The following KCNAB2 variants were observed in gnomAD, a reference collection of about 807,000 sequenced individuals.
The protein encoded by KCNAB2 is voltage-gated potassium channel subunit beta-2.
KCNAB2 carries 29 observed loss-of-function variants against 63.6 expected under a neutral mutation model. That is an observed-to-expected ratio of 0.46 (90% CI 0.34 to 0.62). The LOEUF (loss-of-function observed/expected upper bound fraction) is 0.62, where lower values mean the gene tolerates loss of function less well. Among genes scored for constraint, KCNAB2 ranks in the 20% least tolerant of loss-of-function variants. The pLI is 0.01. For synonymous variants in KCNAB2, 222 were observed against 224.2 expected, an observed-to-expected ratio of 0.99 and a Z score of 0.09; for missense variants, 359 against 563.9, an observed-to-expected ratio of 0.64 and a Z score of 3.68.
At chr1:5,997,727 G>T (rs533630201) in intron 1 of KCNAB2, among the ~76,000 whole-genome samples, 1 of 152,330 alleles carries the variant, frequency 6.6e-6, no homozygotes, top group East Asian at 1.9e-4. Context: ...CGTGGCAGGG[G>T]CTCTCTGAAA....
chr1:6,021,030 G>A (rs894215255), intron 1 of KCNAB2, among the ~76,000 whole-genome samples: 3 of 152,126 alleles, frequency 2.0e-5, no homozygotes, highest in Non-Finnish European at 2.9e-5. Flanking sequence ...GTTTTGTTCT[G>A]TCACCCAGCT....
At chr1:5,999,889 C>T (rs917822559) in intron 1 of KCNAB2, among the ~76,000 whole-genome samples, 2 of 151,534 alleles carry the variant, frequency 1.3e-5, no homozygotes, top group Non-Finnish European at 2.9e-5. Flanking sequence ...CTCTCCGCAC[C>T]CTGTCTGTGT....
intron 1 of KCNAB2, among the ~76,000 whole-genome samples, chr1:6,051,301 T>C (rs998426764): frequency 1.3e-5 from 2 of 152,194 alleles, no homozygotes; most frequent in African/African-American, 4.8e-5. Context: ...TTAGCCAGAG[T>C]TCCTGGCAAG....
At chr1:6,004,085 G>C (rs574560999) in intron 1 of KCNAB2, among the ~76,000 whole-genome samples, 67 of 152,198 alleles carry the variant, frequency 4.4e-4, no homozygotes, top group Non-Finnish European at 8.5e-4. Flanking sequence ...CAAATACAGA[G>C]AGGGCTGCAG....
upstream of KCNAB2, among the ~76,000 whole-genome samples, chr1:6,032,727 G>A (rs1248958892): frequency 6.6e-6 from 1 of 152,184 alleles, no homozygotes; most frequent in African/African-American, 2.4e-5. Flanking sequence ...TCTTGCCCTC[G>A]ATGGGCAAAC....
chr1:6,048,370 C>T (rs1661108925), intron 1 of KCNAB2, among the ~76,000 whole-genome samples: 1 of 152,216 alleles, frequency 6.6e-6, no homozygotes, highest in South Asian at 2.1e-4. Context: ...TGTCCAAAGC[C>T]TCATCTCATG....
At chr1:6,020,232 GT>G (rs1345142828) in intron 1 of KCNAB2, among the ~76,000 whole-genome samples, 2 of 152,196 alleles carry the variant, frequency 1.3e-5, no homozygotes, top group Non-Finnish European at 2.9e-5. Context: ...TGATCCTTAT[GT>G]TGTAGAAATA....
In KCNAB2 at chr1:6,100,937, C is replaced by G. The variant is rs917074645; in HGVS notation, c.*2363C>G. 2.0e-5 allele frequency: 3 copies of G among 152,292 alleles called. No individual in the cohort carries two copies. Among genetic ancestry groups the G allele is most frequent in the African/African-American group, 7.2e-5 (3 of 41,466 alleles). The allele number at this position is 152,292 out of a possible 1,614,324, so 9.4% of individuals were successfully genotyped here. On this transcript the variant is annotated 3_prime_UTR_variant, in exon 16 of 16. Transcript: ENST00000378083. ...CCACTGTTTCCCACTCAGCTTTGTG[C>G]TCAGATCCCAGGTCCCAAGGAGTGA...
intron 2 of KCNAB2, among the ~76,000 whole-genome samples, chr1:6,067,010 C>T (rs1662813409): frequency 6.6e-6 from 1 of 152,212 alleles, no homozygotes. Flanking sequence ...CCTGCCGGGG[C>T]CTTTCTCCAA....
At chr1:6,058,895 C>T (rs1486167839) in intron 2 of KCNAB2, among the ~76,000 whole-genome samples, 1 of 152,084 alleles carries the variant, frequency 6.6e-6, no homozygotes. Flanking sequence ...TGGGTCGGGG[C>T]TGGGAGGGCT....
upstream of KCNAB2, among the ~76,000 whole-genome samples, chr1:6,043,926 CT>C (rs1193146191): frequency 6.6e-6 from 1 of 152,236 alleles, no homozygotes; most frequent in African/African-American, 2.4e-5. Context: ...CTCGTCTAAG[CT>C]GGCTTGGCTG....
chr1:6,032,448 G>A (rs1030809651), upstream of KCNAB2, among the ~76,000 whole-genome samples: 7 of 151,912 alleles, frequency 4.6e-5, no homozygotes, highest in African/African-American at 9.7e-5. Context: ...ATGGTGGCAC[G>A]CGCCTGTAGT....
chr1:6,041,747 C>A, upstream of KCNAB2: 2 of 1,226,780 alleles, frequency 1.6e-6, no homozygotes, highest in Non-Finnish European at 2.4e-6. Flanking sequence ...TTCTGACCTG[C>A]ACCTGCTGGG....
intron 9 of KCNAB2, 142 bp downstream of exon 9, chr1:6,090,617 C>G (rs74049398): frequency 3.1e-6 from 2 of 635,248 alleles, no homozygotes; most frequent in Non-Finnish European, 5.5e-6. Context: ...GGGTGGGGGG[C>G]GAGGGGGCAG....
At chr1:6,022,747 A>AT (rs1176449265) in intron 1 of KCNAB2, among the ~76,000 whole-genome samples, 2 of 151,878 alleles carry the variant, frequency 1.3e-5, no homozygotes, top group East Asian at 3.9e-4. Context: ...AGTATTTGTC[A>AT]TTTTGTGACT....
intron 3 of KCNAB2, 107 bp downstream of exon 3, chr1:6,072,905 C>A: frequency 9.4e-7 from 1 of 1,058,320 alleles, no homozygotes; most frequent in South Asian, 1.5e-5. Context: ...CAAACCTTGG[C>A]ACTCCCCAGG....
chr1:6,064,975 G>C (rs555702454), intron 2 of KCNAB2, among the ~76,000 whole-genome samples: 1 of 152,282 alleles, frequency 6.6e-6, no homozygotes, highest in African/African-American at 2.4e-5. Context: ...TGGGAGTGTT[G>C]GAATCTCTCT....
At chr1:6,029,699 G>A (rs564586774), upstream of KCNAB2, among the ~76,000 whole-genome samples, 1 of 152,318 alleles carries the variant, frequency 6.6e-6, no homozygotes, top group African/African-American at 2.4e-5. Flanking sequence ...ACTGACACAG[G>A]GAAGGCTGAG....
intron 2 of KCNAB2, among the ~76,000 whole-genome samples, chr1:6,061,282 C>T (rs1012479176): frequency 2.0e-5 from 3 of 152,258 alleles, no homozygotes; most frequent in African/African-American, 7.2e-5. Flanking sequence ...TTGAAGTCAA[C>T]CAGCCACGCT....
Sources: allele counts gnomAD v4.1 joint callset (sites outside exome capture counted in the v4.1 genomes callset), GRCh38; gene constraint gnomAD v4.1.1; transcripts MANE v1.5; gene names NCBI Gene and HGNC (gene_info 2026-07-23, HGNC 2026-07-21).